NCKAP5: variants seen among roughly 807,000 people sequenced by gnomAD.
The protein encoded by NCKAP5 is NCK associated protein 5.
In NCKAP5, 92 loss-of-function variants were observed where a neutral mutation model predicts 167.0. The observed-to-expected ratio is 0.55, with a 90% CI of 0.47 to 0.66. NCKAP5 has a LOEUF of 0.66. Among genes scored for constraint, NCKAP5 ranks in the 30% least tolerant of loss-of-function variants. NCKAP5 has a pLI of 0.00. For synonymous variants in NCKAP5, 891 were observed against 877.4 expected (o/e 1.02, Z -0.27); for missense variants, 2,378 against 2,315.0 (o/e 1.03, Z -0.56).
At chr2:133,262,955 A>T (rs1163456334) in intron 4 of NCKAP5, among the ~76,000 whole-genome samples, 1 of 152,122 alleles carries the variant, frequency 6.6e-6, no homozygotes, top group Non-Finnish European at 1.5e-5. Flanking sequence ...AGTGCTCTTA[A>T]CTTTCCCTGC....
chr2:133,223,214 C>T (rs879887641), intron 4 of NCKAP5, among the ~76,000 whole-genome samples: 3 of 152,178 alleles, frequency 2.0e-5, no homozygotes, highest in East Asian at 1.9e-4. Context: ...TGATTACTCT[C>T]ATTTATGCCT....
At chr2:132,874,167 G>A (rs1030329778) in intron 9 of NCKAP5, among the ~76,000 whole-genome samples, 1 of 143,968 alleles carries the variant, frequency 6.9e-6, no homozygotes, top group African/African-American at 2.6e-5. Context: ...GGAGTGCAGT[G>A]GCGCAATCTC....
At chr2:132,922,506 A>C (rs2149011675) in intron 8 of NCKAP5, among the ~76,000 whole-genome samples, 1 of 152,222 alleles carries the variant, frequency 6.6e-6, no homozygotes, top group South Asian at 2.1e-4. Context: ...CTTGGCACCC[A>C]AGGCTTTTGA....
chr2:133,074,765 C>T (rs1036462312), intron 6 of NCKAP5, among the ~76,000 whole-genome samples: 12 of 152,132 alleles, frequency 7.9e-5, no homozygotes, highest in Admixed American at 5.2e-4. Flanking sequence ...AATCAATAAA[C>T]TTAAAGATGG....
In NCKAP5 at chr2:133,228,228, G is replaced by A. The variant is rs148090485; in HGVS notation, c.144-14449C>T. On this transcript the variant is annotated intron_variant, in intron 4 of 19. Coordinates refer to ENST00000409261, the MANE Select transcript of NCKAP5 (RefSeq NM_207363.3). ...ATAATTGTTAGAGTCTACCACATGG[G>A]TCGAAAATTTATACTTCTACTATAC... 2.7e-4 allele frequency among the ~76,000 whole-genome samples: 41 copies of A among 152,258 alleles called. No individual in the cohort carries two copies. In the East Asian group the frequency reaches 7.1e-3, roughly 26 times the overall value.
chr2:132,791,284 T>C (rs1483339111), intron 12 of NCKAP5, among the ~76,000 whole-genome samples: 1 of 152,194 alleles, frequency 6.6e-6, no homozygotes, highest in African/African-American at 2.4e-5. Flanking sequence ...ACTGTAAATA[T>C]AATAGTGCTT....
chr2:133,374,150 C>A (rs1685985169), intron 3 of NCKAP5, among the ~76,000 whole-genome samples: 1 of 152,096 alleles, frequency 6.6e-6, no homozygotes, highest in African/African-American at 2.4e-5. Flanking sequence ...GTGGTACATC[C>A]CAGACAATGG....
intron 4 of NCKAP5, among the ~76,000 whole-genome samples, chr2:133,235,316 C>T (rs150122218): frequency 6.6e-6 from 1 of 152,180 alleles, no homozygotes; most frequent in Non-Finnish European, 1.5e-5. Context: ...GGTGACGCTC[C>T]ACAGCTCTTG....
chr2:132,708,419 T>A (rs1193893421), intron 19 of NCKAP5, among the ~76,000 whole-genome samples: 1 of 152,096 alleles, frequency 6.6e-6, no homozygotes, highest in East Asian at 1.9e-4. Context: ...AGCCAGGCAG[T>A]ACTTGTCATG....
At chr2:132,973,429 T>A (rs2076891019) in intron 7 of NCKAP5, among the ~76,000 whole-genome samples, 1 of 152,206 alleles carries the variant, frequency 6.6e-6, no homozygotes, top group Non-Finnish European at 1.5e-5. Flanking sequence ...ACTAGCCAGC[T>A]GTGTAATTTT....
chr2:133,344,361 T>TTGCA (rs1478494876), intron 3 of NCKAP5, among the ~76,000 whole-genome samples: 3 of 150,134 alleles, frequency 2.0e-5, no homozygotes, highest in Non-Finnish European at 4.4e-5. Flanking sequence ...TGAGCTGAGA[T>TTGCA]TGCACCACTG....
chr2:133,648,264 A>G, the NCKAP5 span, among the ~76,000 whole-genome samples: 1 of 152,176 alleles, frequency 6.6e-6, no homozygotes, highest in Non-Finnish European at 1.5e-5. Context: ...GATATATTAA[A>G]AAAAAACTGG....
In NCKAP5 at chr2:133,192,750, C is replaced by G. The variant is rs368255188; in HGVS notation, c.207+20966G>C. 1.8e-4 allele frequency among the ~76,000 whole-genome samples: 28 copies of G among 151,958 alleles called. 4 individuals are homozygous for G. The highest frequency in any genetic ancestry group is 1.2e-3 in the Admixed American group (19 of 15,212). On this transcript the variant is annotated intron_variant, in intron 5 of 19. Coordinates refer to ENST00000409261, the MANE Select transcript of NCKAP5 (RefSeq NM_207363.3). The stretch of plus-strand genomic sequence containing the variant: ...CTAACAAAAAAACAGTCATAACACA[C>G]CAAAGGCTGATGAGTGAGGATGTGC...
chr2:132,805,448 C>T (rs1017051349), intron 11 of NCKAP5, among the ~76,000 whole-genome samples: 1 of 151,982 alleles, frequency 6.6e-6, no homozygotes, highest in Non-Finnish European at 1.5e-5. Flanking sequence ...AAATAATTAC[C>T]TCTAAATACA....
At chr2:133,250,680 G>A (rs2088268637) in intron 4 of NCKAP5, among the ~76,000 whole-genome samples, 1 of 152,196 alleles carries the variant, frequency 6.6e-6, no homozygotes, top group Non-Finnish European at 1.5e-5. Context: ...GCTCATGCCT[G>A]TAACCCGGAC....
intron 4 of NCKAP5, among the ~76,000 whole-genome samples, chr2:133,283,723 G>A (rs1437912179): frequency 2.6e-5 from 4 of 151,186 alleles, no homozygotes; most frequent in Non-Finnish European, 5.9e-5. Flanking sequence ...CGATTCTCCT[G>A]CCTCAGCCTC....
intron 6 of NCKAP5, among the ~76,000 whole-genome samples, chr2:132,996,536 T>C (rs891894396): frequency 3.3e-5 from 5 of 152,202 alleles, no homozygotes; most frequent in African/African-American, 9.6e-5. Flanking sequence ...TAACTCCTCA[T>C]TGATCTCCTG....
chr2:132,892,543 A>G (rs114739585), intron 8 of NCKAP5, among the ~76,000 whole-genome samples: 1,716 of 152,342 alleles, frequency 0.011, 22 homozygotes, highest in Admixed American at 0.023. Context: ...GAGCTAAAAA[A>G]TGTAAAACAA....
At chr2:133,516,653 A>G (rs1169165143) in intron 3 of NCKAP5, among the ~76,000 whole-genome samples, 1 of 152,212 alleles carries the variant, frequency 6.6e-6, no homozygotes, top group African/African-American at 2.4e-5. Flanking sequence ...TAGTTCATTG[A>G]ACCCCCACTC....
Sources: gnomAD v4.1 joint callset for allele counts (sites outside exome capture counted in the v4.1 genomes callset) on GRCh38, gnomAD v4.1.1 for gene constraint, MANE v1.5 for transcripts, NCBI Gene and HGNC (gene_info 2026-07-23, HGNC 2026-07-21) for gene names.